The following C1QTNF3 variants were observed in gnomAD, a reference collection of about 807,000 sequenced individuals.
The protein encoded by C1QTNF3 is complement C1q tumor necrosis factor-related protein 3.
In C1QTNF3, 26 loss-of-function variants were observed where a neutral mutation model predicts 32.6. The observed-to-expected ratio is 0.80, with a 90% CI of 0.58 to 1.11. The LOEUF (loss-of-function observed/expected upper bound fraction) is 1.11, where lower values mean the gene tolerates loss of function less well. Ranked by LOEUF, C1QTNF3 falls within the 50% of genes least tolerant of loss-of-function variation. The pLI is 0.00. For missense variants in C1QTNF3, 362 were observed against 398.2 expected (o/e 0.91, Z 0.77); for synonymous variants, 155 against 146.0 (o/e 1.06, Z -0.44).
At chr5:34,174,942 G>C in the C1QTNF3 span, among the ~76,000 whole-genome samples, 1 of 151,656 alleles carries the variant, frequency 6.6e-6, no homozygotes, top group African/African-American at 2.4e-5. Flanking sequence ...GTAGAGACAG[G>C]GTTTCACTGT....
the C1QTNF3 span, among the ~76,000 whole-genome samples, chr5:34,195,297 C>T: frequency 6.9e-6 from 1 of 145,106 alleles, no homozygotes; most frequent in Non-Finnish European, 1.5e-5. Flanking sequence ...CTGTAATCAT[C>T]TCCATCTGGT....
chr5:34,113,888 G>C, the C1QTNF3 span, among the ~76,000 whole-genome samples: 474 of 152,230 alleles, frequency 3.1e-3, 6 homozygotes, highest in African/African-American at 0.011. Context: ...TTATTAAAAT[G>C]AGAGCATCCA....
At chr5:34,213,810 T>TATATATATATA in the C1QTNF3 span, among the ~76,000 whole-genome samples, 2,035 of 13,354 alleles carry the variant, frequency 0.15, 269 homozygotes, top group Non-Finnish European at 0.22. Context: ...TATATATATA[T>TATATATATATA]TTTTTTTTTT....
chr5:34,101,228 G>A, the C1QTNF3 span, among the ~76,000 whole-genome samples: 2 of 150,714 alleles, frequency 1.3e-5, no homozygotes, highest in African/African-American at 4.9e-5. Flanking sequence ...TCATCTTGGT[G>A]GAAGTATTTT....
intron 1 of C1QTNF3, among the ~76,000 whole-genome samples, chr5:34,036,382 T>C (rs977999780): frequency 1.3e-5 from 2 of 152,274 alleles, no homozygotes; most frequent in East Asian, 1.9e-4. Flanking sequence ...CTAGAAATTA[T>C]ATATATATTT....
intron 5 of C1QTNF3, among the ~76,000 whole-genome samples, chr5:34,022,827 GT>G (rs369835927): frequency 3.3e-5 from 5 of 152,172 alleles, no homozygotes; most frequent in African/African-American, 9.6e-5. Flanking sequence ...TTCAAAGTCA[GT>G]TTTTTTGTTT....
chr5:34,088,486 T>C, the C1QTNF3 span, among the ~76,000 whole-genome samples: 1 of 151,986 alleles, frequency 6.6e-6, no homozygotes, highest in African/African-American at 2.4e-5. Context: ...TTATTTTCTA[T>C]ATATTTTTAT....
chr5:34,227,099 T>C, the C1QTNF3 span, among the ~76,000 whole-genome samples: 1 of 150,238 alleles, frequency 6.7e-6, no homozygotes, highest in Non-Finnish European at 1.5e-5. Flanking sequence ...GCACTAGACA[T>C]CATGAATAAT....
At chr5:34,219,806 C>T in the C1QTNF3 span, 1 of 152,012 alleles carries the variant, frequency 6.6e-6, no homozygotes, top group Non-Finnish European at 1.5e-5. Flanking sequence ...TTTAAAATAA[C>T]AATTCATTCA....
rs747745802 is a variant in C1QTNF3 at position 34,042,985 on chromosome 5, A to G, written c.141T>C (p.Thr47=). ...VARIVQSHQQ[T]GRSGSRREKV... ...TCTCCCTCCTGGAGCCGCTACGGCC[A>G]GTCTGCTGGTGGCTTTGCACTATTC... Residue 47 remains threonine, a synonymous_variant, in exon 1 of 6, where the codon ACT becomes ACC. Coordinates refer to ENST00000382065, the MANE Select transcript of C1QTNF3 (RefSeq NM_181435.6). 3 of 1,614,218 alleles carry G rather than the reference A, an allele frequency of 1.9e-6. No individual in the cohort carries two copies. The South Asian group carries it at 3.3e-5, about 18-fold the overall frequency.
chr5:34,112,188 T>C, the C1QTNF3 span, among the ~76,000 whole-genome samples: 2 of 152,196 alleles, frequency 1.3e-5, no homozygotes, highest in African/African-American at 2.4e-5. Flanking sequence ...TAGAAATTTA[T>C]GCAATTTATA....
At chr5:34,053,285 C>T in the C1QTNF3 span, among the ~76,000 whole-genome samples, 3 of 152,148 alleles carry the variant, frequency 2.0e-5, no homozygotes, top group Non-Finnish European at 2.9e-5. Context: ...TGATTTCAGA[C>T]ACTCCACCCG....
chr5:34,047,124 G>A (rs1453736517), upstream of C1QTNF3, among the ~76,000 whole-genome samples: 1 of 152,164 alleles, frequency 6.6e-6, no homozygotes, highest in Non-Finnish European at 1.5e-5. Flanking sequence ...AACCTCCCTG[G>A]AGGTGATGAA....
chr5:34,223,720 T>C, the C1QTNF3 span, among the ~76,000 whole-genome samples: 1 of 152,126 alleles, frequency 6.6e-6, no homozygotes, highest in African/African-American at 2.4e-5. Context: ...TTCTAACTGG[T>C]GTGAGATGGT....
At chr5:34,232,952 T>C in the C1QTNF3 span, among the ~76,000 whole-genome samples, 1 of 43,136 alleles carries the variant, frequency 2.3e-5, no homozygotes, top group East Asian at 7.6e-4. Flanking sequence ...AATGGCTCTG[T>C]TCCCTTATAG....
In C1QTNF3 at chr5:34,033,307, A is replaced by T. The variant is rs375154760; in HGVS notation, c.567T>A (p.Leu189=). ...AGATGTACCGAGGATGGTTTACCTG[A>T]AGTTCTGGTGGAATCCCCGGGTAGC... The part of the protein sequence containing the change: ...EKGYPGIPPE[L]QIAFMASLAT... The change falls in exon 3 of 6, where the codon CTT becomes CTA. Residue 189 remains leucine (L), a synonymous_variant. Coordinates refer to ENST00000382065, the MANE Select transcript of C1QTNF3 (RefSeq NM_181435.6). 2.5e-6 allele frequency: 4 copies of T among 1,613,566 alleles called. No individual in the cohort carries two copies. Among genetic ancestry groups the T allele is most frequent in the Non-Finnish European group, 3.4e-6 (4 of 1,179,808 alleles).
chr5:34,176,695 A>C, the C1QTNF3 span, among the ~76,000 whole-genome samples: 3 of 151,646 alleles, frequency 2.0e-5, no homozygotes, highest in Non-Finnish European at 4.4e-5. Context: ...CTAGCCTACA[A>C]AAAGTACAAA....
chr5:34,036,624 C>T (rs1187431101), intron 1 of C1QTNF3, among the ~76,000 whole-genome samples: 1 of 152,174 alleles, frequency 6.6e-6, no homozygotes, highest in East Asian at 1.9e-4. Context: ...AACTATTTAA[C>T]ATGATTTCTA....
chr5:34,078,585 T>C, the C1QTNF3 span, among the ~76,000 whole-genome samples: 2 of 151,558 alleles, frequency 1.3e-5, no homozygotes, highest in Non-Finnish European at 2.9e-5. This position sits in a 1 kb window ranked among gnomAD's most constrained non-coding sequence, Gnocchi z 4.0. Flanking sequence ...TCCCAGCAGG[T>C]TTCTCCCCTG....
Sources: gnomAD v4.1 joint callset for allele counts (sites outside exome capture counted in the v4.1 genomes callset) on GRCh38, gnomAD v4.1.1 for gene constraint, Gnocchi (gnomAD v3.1) non-coding constraint, MANE v1.5 for transcripts, NCBI Gene and HGNC (gene_info 2026-07-23, HGNC 2026-07-21) for gene names.